Variants in ART3 observed in about 807,000 individuals in gnomAD.
The protein encoded by ART3 is ADP-ribosyltransferase 3 (inactive).
A neutral mutation model predicts 48.5 loss-of-function variants in ART3; 49 were observed. The observed-to-expected ratio is 1.01, with a 90% CI of 0.80 to 1.28. The LOEUF (loss-of-function observed/expected upper bound fraction) is 1.28. ART3 is among the 50% of genes most tolerant of loss of function. The pLI, the probability that ART3 is intolerant of heterozygous loss-of-function variation, is 0.00. For missense variants in ART3, 438 were observed against 454.3 expected, an observed-to-expected ratio of 0.96 and a Z score of 0.33; for synonymous variants, 145 against 157.2, an observed-to-expected ratio of 0.92 and a Z score of 0.58.
chr4:76,029,955 A>G (rs945860648), intron 1 of ART3, among the ~76,000 whole-genome samples: 7 of 152,176 alleles, frequency 4.6e-5, no homozygotes, highest in African/African-American at 1.7e-4. Flanking sequence ...TGACAGAACT[A>G]TTCTTTCAGA....
At chr4:76,066,847 T>C (rs35353995) in intron 1 of ART3, among the ~76,000 whole-genome samples, 18,425 of 152,220 alleles carry the variant, frequency 0.12, 1,337 homozygotes, top group African/African-American at 0.18. Context: ...AGCCTGACTT[T>C]GCTCCAAGAT....
chr4:76,110,713 C>T (rs1429348776), intron 11 of ART3, among the ~76,000 whole-genome samples: 2 of 152,094 alleles, frequency 1.3e-5, no homozygotes, highest in Non-Finnish European at 2.9e-5. Context: ...CCTTGAACAA[C>T]ACAGGTTTGA....
At chr4:76,022,391 A>G in intron 1 of ART3, 6 of 1,613,712 alleles carry the variant, frequency 3.7e-6, no homozygotes, top group Non-Finnish European at 5.1e-6. Flanking sequence ...GCTTTCAGTA[A>G]ATTCTTGATG....
At chr4:76,012,341 T>G in intron 1 of ART3, 1 of 152,200 alleles carries the variant, frequency 6.6e-6, no homozygotes, top group Non-Finnish European at 1.5e-5. Context: ...TTTCCCCTCC[T>G]CTCGGCAGCT....
intron 1 of ART3, among the ~76,000 whole-genome samples, chr4:76,020,935 G>A (rs1023542955): frequency 6.6e-6 from 1 of 152,150 alleles, no homozygotes; most frequent in South Asian, 2.1e-4. Context: ...TGCTACATTA[G>A]TTCTGTAGGA....
intron 3 of ART3, among the ~76,000 whole-genome samples, chr4:76,097,198 T>G (rs1726202632): frequency 1.3e-5 from 2 of 152,072 alleles, no homozygotes; most frequent in Non-Finnish European, 2.9e-5. Flanking sequence ...AAAATATAAT[T>G]GTTCTGCAAT....
chr4:76,068,595 A>AG (rs1158994625), intron 1 of ART3, among the ~76,000 whole-genome samples: 1 of 152,102 alleles, frequency 6.6e-6, no homozygotes, highest in Non-Finnish European at 1.5e-5. Context: ...ATGGACACAA[A>AG]GGGGGGACCA....
At chr4:76,020,975 C>G (rs995432237) in intron 1 of ART3, 3 of 152,160 alleles carry the variant, frequency 2.0e-5, no homozygotes, top group Non-Finnish European at 4.4e-5. Context: ...CAGGAGATTA[C>G]AGTTGGAAGG....
At chr4:76,101,852 T>A (rs1727392937) in intron 8 of ART3, among the ~76,000 whole-genome samples, 1 of 152,194 alleles carries the variant, frequency 6.6e-6, no homozygotes, top group African/African-American at 2.4e-5. Flanking sequence ...TGGAGAGCAA[T>A]TTAGTAGTAT....
intron 3 of ART3, among the ~76,000 whole-genome samples, chr4:76,083,533 C>T (rs1456251251): frequency 6.6e-6 from 1 of 152,190 alleles, no homozygotes; most frequent in Non-Finnish European, 1.5e-5. Context: ...CGCAGTGGCT[C>T]ATCCATGTCA....
chr4:76,017,239 G>A (rs1236089711), intron 1 of ART3, among the ~76,000 whole-genome samples: 1 of 149,478 alleles, frequency 6.7e-6, no homozygotes, highest in Non-Finnish European at 1.5e-5. Flanking sequence ...GTACTACCTG[G>A]GTATTGGCTG....
At chr4:76,107,566 A>G (rs547748878) in intron 10 of ART3, 195 bp from the exon 11 acceptor site, 34 of 384,438 alleles carry the variant, frequency 8.8e-5, no homozygotes, top group African/African-American at 6.9e-4. Context: ...TATTGATGGG[A>G]AAAAAAATTC....
intron 2 of ART3, among the ~76,000 whole-genome samples, chr4:76,078,937 C>A (rs1226577887): frequency 6.6e-6 from 1 of 151,996 alleles, no homozygotes; most frequent in African/African-American, 2.4e-5. Context: ...AAAAATTAGC[C>A]GGGCGTGGTG....
intron 3 of ART3, among the ~76,000 whole-genome samples, chr4:76,092,183 A>G (rs1725050207): frequency 1.3e-5 from 2 of 152,196 alleles, no homozygotes; most frequent in Admixed American, 6.5e-5. Context: ...CCTTGCATTT[A>G]TAGATCAATA....
At chr4:76,095,952 TG>T (rs1042476548) in intron 3 of ART3, among the ~76,000 whole-genome samples, 6 of 152,086 alleles carry the variant, frequency 3.9e-5, no homozygotes, top group African/African-American at 1.4e-4. Flanking sequence ...GACAGAGTTT[TG>T]CTCTTGTCAC....
At chr4:76,060,473 G>A (rs557773307) in intron 1 of ART3, among the ~76,000 whole-genome samples, 10 of 151,888 alleles carry the variant, frequency 6.6e-5, no homozygotes, top group Non-Finnish European at 1.5e-4. Flanking sequence ...TGTTCTCTAG[G>A]GTATTATGCT....
At chr4:76,097,342 C>T (rs1726233423) in intron 3 of ART3, among the ~76,000 whole-genome samples, 1 of 151,876 alleles carries the variant, frequency 6.6e-6, no homozygotes, top group African/African-American at 2.4e-5. Context: ...GTAGCTGGGA[C>T]TACAGGTGTG....
chr4:76,076,161 C>T (rs750545840), intron 2 of ART3, among the ~76,000 whole-genome samples: 31 of 152,220 alleles, frequency 2.0e-4, no homozygotes, highest in Non-Finnish European at 3.7e-4. Flanking sequence ...CCTGCCACCA[C>T]GCCTGGCTAA....
chr4:76,048,854 T>A (rs1322542632), intron 1 of ART3, among the ~76,000 whole-genome samples: 1 of 151,648 alleles, frequency 6.6e-6, no homozygotes, highest in East Asian at 1.9e-4. Flanking sequence ...CCTGTTAGAG[T>A]CCTAAGCATT....
Sources: gnomAD v4.1 joint callset for allele counts (sites outside exome capture counted in the v4.1 genomes callset) on GRCh38, gnomAD v4.1.1 for gene constraint, MANE v1.5 for transcripts, NCBI Gene and HGNC (gene_info 2026-07-23, HGNC 2026-07-21) for gene names.